The following DYRK1A variants were observed in gnomAD, a reference collection of about 807,000 sequenced individuals.
The protein encoded by DYRK1A is dual specificity tyrosine phosphorylation regulated kinase 1A.
A neutral mutation model predicts 79.7 loss-of-function variants in DYRK1A; 9 were observed. The ratio of observed to expected loss-of-function variants is 0.11; its 90% CI spans 0.07 to 0.20. The LOEUF is 0.20. Among genes scored for constraint, DYRK1A ranks in the 10% least tolerant of loss-of-function variants. The pLI is 1.00. For missense variants in DYRK1A, 622 were observed against 956.0 expected, an observed-to-expected ratio of 0.65 and a Z score of 4.61; for synonymous variants, 349 against 329.7, an observed-to-expected ratio of 1.06 and a Z score of -0.63.
chr21:37,493,599 G>GT (rs1295628934), intron 8 of DYRK1A, among the ~76,000 whole-genome samples: 3 of 152,188 alleles, frequency 2.0e-5, no homozygotes, highest in Admixed American at 2.0e-4. Flanking sequence ...TTATAGACTT[G>GT]TAGGGCTACA....
intron 2 of DYRK1A, among the ~76,000 whole-genome samples, chr21:37,422,046 A>T (rs1222253794): frequency 6.6e-6 from 1 of 152,190 alleles, no homozygotes; most frequent in African/African-American, 2.4e-5. Flanking sequence ...CAATGGAATG[A>T]AATAACTAAT....
chr21:37,438,226 A>G (rs1376114564), intron 2 of DYRK1A, among the ~76,000 whole-genome samples: 1 of 152,178 alleles, frequency 6.6e-6, no homozygotes, highest in Non-Finnish European at 1.5e-5. Context: ...CCTTTATCAA[A>G]TACATGATTT....
chr21:37,392,147 C>T (rs2049882336), intron 1 of DYRK1A, among the ~76,000 whole-genome samples: 2 of 152,132 alleles, frequency 1.3e-5, no homozygotes, highest in Admixed American at 1.3e-4. Flanking sequence ...GTTGTAGAGA[C>T]AGTTGGGGAA....
At chr21:37,368,159 TG>T in intron 1 of DYRK1A, 1 of 152,426 alleles carries the variant, frequency 6.6e-6, no homozygotes, top group Non-Finnish European at 1.5e-5. Context: ...TCGGCGGCCC[TG>T]GGGGTCCGCG....
At chr21:37,463,605 A>C (rs1340643338) in intron 2 of DYRK1A, among the ~76,000 whole-genome samples, 1 of 152,126 alleles carries the variant, frequency 6.6e-6, no homozygotes, top group Non-Finnish European at 1.5e-5. Context: ...TTCCTGATGG[A>C]TTCAGTTCAT....
At chr21:37,506,706 G>A (rs992780455) in intron 11 of DYRK1A, among the ~76,000 whole-genome samples, 2 of 152,186 alleles carry the variant, frequency 1.3e-5, no homozygotes, top group Admixed American at 6.5e-5. Context: ...TAAACCTGTT[G>A]AAGAGGATCT....
At chr21:37,381,949 G>T (rs924752461) in intron 1 of DYRK1A, among the ~76,000 whole-genome samples, 17 of 152,234 alleles carry the variant, frequency 1.1e-4, no homozygotes, top group Admixed American at 5.2e-4. Flanking sequence ...GTTTTCAAAA[G>T]AATGAGTCGT....
intron 2 of DYRK1A, among the ~76,000 whole-genome samples, chr21:37,444,669 G>A (rs1032448526): frequency 7.9e-5 from 12 of 152,168 alleles, no homozygotes; most frequent in Admixed American, 2.0e-4. Context: ...CCAAGCCTGG[G>A]TGCATGAGAG....
chr21:37,484,566 T>C (rs1243875645), intron 5 of DYRK1A, among the ~76,000 whole-genome samples: 1 of 152,076 alleles, frequency 6.6e-6, no homozygotes, highest in Non-Finnish European at 1.5e-5. Flanking sequence ...TGACCTCAGG[T>C]GATCCGCCTG....
chr21:37,414,720 A>G (rs1437609538), intron 1 of DYRK1A, among the ~76,000 whole-genome samples: 1 of 152,192 alleles, frequency 6.6e-6, no homozygotes, highest in Non-Finnish European at 1.5e-5. Flanking sequence ...TTGATAGACC[A>G]GTCACTTTCT....
At chr21:37,412,507 A>G (rs910126328) in intron 1 of DYRK1A, among the ~76,000 whole-genome samples, 3 of 152,130 alleles carry the variant, frequency 2.0e-5, no homozygotes, top group Admixed American at 2.0e-4. Context: ...TTGGGAGTAG[A>G]GTCTGATGTA....
chr21:37,379,799 C>T (rs1191491917), intron 1 of DYRK1A, among the ~76,000 whole-genome samples: 1 of 151,974 alleles, frequency 6.6e-6, no homozygotes, highest in East Asian at 1.9e-4. Context: ...TTTCATGTAT[C>T]CTAATTGGAA....
intron 2 of DYRK1A, among the ~76,000 whole-genome samples, chr21:37,429,802 T>C (rs1024447385): frequency 2.6e-5 from 4 of 152,268 alleles, no homozygotes; most frequent in Non-Finnish European, 5.9e-5. Context: ...TAATCCATTC[T>C]GGAAGTAAAA....
chr21:37,422,634 C>T (rs577284194), intron 2 of DYRK1A, among the ~76,000 whole-genome samples: 37 of 152,160 alleles, frequency 2.4e-4, no homozygotes, highest in African/African-American at 8.7e-4. Flanking sequence ...ATGGGCCTTT[C>T]AGAAGTGAAC....
chr21:37,440,722 G>T (rs1485585749), intron 2 of DYRK1A, among the ~76,000 whole-genome samples: 1 of 152,006 alleles, frequency 6.6e-6, no homozygotes, highest in Non-Finnish European at 1.5e-5. Context: ...TACTTACATG[G>T]TTCTGTTACT....
chr21:37,476,566 A>T (rs773873823), intron 3 of DYRK1A, among the ~76,000 whole-genome samples: 1 of 152,204 alleles, frequency 6.6e-6, no homozygotes, highest in South Asian at 2.1e-4. Context: ...AACTTAAATT[A>T]AAAAAGAAAA....
chr21:37,441,599 A>C (rs1314041311), intron 2 of DYRK1A, among the ~76,000 whole-genome samples: 2 of 152,114 alleles, frequency 1.3e-5, no homozygotes. Context: ...ATCTTATCAC[A>C]GTCTACTTCC....
chr21:37,486,785 G>T, intron 6 of DYRK1A, 171 bp downstream of exon 6: 1 of 544,730 alleles, frequency 1.8e-6, no homozygotes, highest in South Asian at 6.0e-5. Flanking sequence ...GGTAGTAATA[G>T]TCTAAATCTT....
chr21:37,413,822 A>G (rs151292619), intron 1 of DYRK1A, among the ~76,000 whole-genome samples: 2 of 152,246 alleles, frequency 1.3e-5, no homozygotes, highest in Non-Finnish European at 2.9e-5. Context: ...ATCCTTAAGC[A>G]AGCATATCAG....
Sources: gnomAD v4.1 joint callset for allele counts (sites outside exome capture counted in the v4.1 genomes callset) on GRCh38, gnomAD v4.1.1 for gene constraint, MANE v1.5 for transcripts, NCBI Gene and HGNC (gene_info 2026-07-23, HGNC 2026-07-21) for gene names.